The following ROBO2 variants were observed in gnomAD, a reference collection of about 807,000 sequenced individuals.
The protein encoded by ROBO2 is roundabout homolog 2.
A neutral mutation model predicts 160.8 loss-of-function variants in ROBO2; 53 were observed. That is an observed-to-expected ratio of 0.33 (90% CI 0.26 to 0.41). The LOEUF is 0.41. ROBO2 is among the 10% of genes least tolerant of loss of function. The pLI is 1.00. For synonymous variants in ROBO2, 664 were observed against 611.7 expected, an observed-to-expected ratio of 1.09 and a Z score of -1.26; for missense variants, 1,577 against 1,722.4, an observed-to-expected ratio of 0.92 and a Z score of 1.49.
chr3:77,509,074 A>G (rs921402059), intron 5 of ROBO2, among the ~76,000 whole-genome samples: 1 of 152,116 alleles, frequency 6.6e-6, no homozygotes, highest in Admixed American at 6.6e-5. Flanking sequence ...TCTGGTTTAC[A>G]TATTATCTTC....
intron 2 of ROBO2, among the ~76,000 whole-genome samples, chr3:76,640,453 T>C (rs4266200): frequency 0.34 from 51,642 of 151,868 alleles, 9,353 homozygotes; most frequent in South Asian, 0.45. Context: ...ATCACTTGAA[T>C]CTGGGAGGTG....
chr3:77,549,919 T>C (rs2092850845), intron 7 of ROBO2, among the ~76,000 whole-genome samples: 1 of 151,896 alleles, frequency 6.6e-6, no homozygotes, highest in Admixed American at 6.6e-5. Context: ...TGTAAGTAAA[T>C]ACAACATAAA....
chr3:76,344,748 C>A (rs2074426330), intron 2 of ROBO2, among the ~76,000 whole-genome samples: 1 of 152,020 alleles, frequency 6.6e-6, no homozygotes, highest in African/African-American at 2.4e-5. Context: ...GGTTAAAATG[C>A]CCATTATACA....
At chr3:76,817,326 T>C (rs559981979) in intron 2 of ROBO2, among the ~76,000 whole-genome samples, 37 of 152,214 alleles carry the variant, frequency 2.4e-4, no homozygotes, top group African/African-American at 8.9e-4. Flanking sequence ...AAGTATTATA[T>C]GTGGTTTTGT....
intron 2 of ROBO2, among the ~76,000 whole-genome samples, chr3:77,005,495 G>T (rs896525773): frequency 6.6e-6 from 1 of 152,268 alleles, no homozygotes; most frequent in African/African-American, 2.4e-5. Context: ...TTTCATTTAT[G>T]CTTCAAAATG....
At chr3:76,569,780 A>C (rs1441139224) in intron 2 of ROBO2, among the ~76,000 whole-genome samples, 1 of 152,048 alleles carries the variant, frequency 6.6e-6, no homozygotes, top group Non-Finnish European at 1.5e-5. Context: ...GAACACTTTC[A>C]CTTGGTTGTA....
chr3:76,237,790 T>C (rs950285768), intron 2 of ROBO2, among the ~76,000 whole-genome samples: 8 of 152,038 alleles, frequency 5.3e-5, no homozygotes, highest in Non-Finnish European at 1.2e-4. Flanking sequence ...TGAAAAAACT[T>C]TGGTAGAGTA....
intron 2 of ROBO2, among the ~76,000 whole-genome samples, chr3:76,215,963 C>G (rs139003267): frequency 0.029 from 4,355 of 152,274 alleles, 153 homozygotes; most frequent in African/African-American, 0.081. Context: ...GCTGATCTCT[C>G]AGCAGAAACT....
intron 2 of ROBO2, among the ~76,000 whole-genome samples, chr3:76,660,492 G>A (rs997412784): frequency 6.6e-6 from 1 of 152,116 alleles, no homozygotes; most frequent in African/African-American, 2.4e-5. Flanking sequence ...TATAACTGAG[G>A]AATGTGCTAT....
chr3:77,541,320 G>A (rs1010376738), intron 6 of ROBO2, among the ~76,000 whole-genome samples: 5 of 152,086 alleles, frequency 3.3e-5, no homozygotes, highest in Admixed American at 6.5e-5. Flanking sequence ...ACTCATGCAC[G>A]GCCTGTGCTT....
intron 2 of ROBO2, among the ~76,000 whole-genome samples, chr3:76,390,795 C>T (rs1440969849): frequency 1.3e-5 from 2 of 152,090 alleles, no homozygotes; most frequent in Non-Finnish European, 2.9e-5. Flanking sequence ...TCAACCTATT[C>T]CATGTGCAAC....
chr3:76,964,492 G>A (rs1030580694), intron 2 of ROBO2, among the ~76,000 whole-genome samples: 8 of 152,018 alleles, frequency 5.3e-5, no homozygotes, highest in South Asian at 2.1e-4. Context: ...ACAGGCACAC[G>A]CCACCATGCC....
chr3:76,559,362 T>A (rs1454058217), intron 2 of ROBO2, among the ~76,000 whole-genome samples: 1 of 152,188 alleles, frequency 6.6e-6, no homozygotes, highest in Non-Finnish European at 1.5e-5. Flanking sequence ...CATTCAGACA[T>A]AATTTAGATC....
chr3:76,514,888 A>G (rs1451147580), intron 2 of ROBO2, among the ~76,000 whole-genome samples: 6 of 152,216 alleles, frequency 3.9e-5, no homozygotes, highest in Admixed American at 1.3e-4. Flanking sequence ...ATGTTGTTCA[A>G]TAGCAACTGC....
At chr3:77,148,934 G>C (rs1282075665) in intron 2 of ROBO2, among the ~76,000 whole-genome samples, 1 of 151,898 alleles carries the variant, frequency 6.6e-6, no homozygotes, top group African/African-American at 2.4e-5. Flanking sequence ...TGATGTTGGA[G>C]TTATAATTAC....
At chr3:77,554,683 G>A (rs1666115) in intron 8 of ROBO2, among the ~76,000 whole-genome samples, 84,866 of 151,696 alleles carry the variant, frequency 0.56, 23,815 homozygotes, top group Middle Eastern at 0.68. Flanking sequence ...AGAATTAGAA[G>A]TGGATCCCGA....
At chr3:76,034,120 C>T (rs918489074) in intron 2 of ROBO2, among the ~76,000 whole-genome samples, 1 of 152,174 alleles carries the variant, frequency 6.6e-6, no homozygotes, top group Non-Finnish European at 1.5e-5. Context: ...GGGCAGTTTT[C>T]ATCACTCTAG....
chr3:76,294,208 C>A (rs565812358), intron 2 of ROBO2, among the ~76,000 whole-genome samples: 34 of 152,264 alleles, frequency 2.2e-4, no homozygotes, highest in Non-Finnish European at 3.8e-4. Context: ...AAGGGGGTTT[C>A]CTGGGCCTCC....
At chr3:77,335,171 G>A (rs893292972) in intron 2 of ROBO2, among the ~76,000 whole-genome samples, 12 of 152,164 alleles carry the variant, frequency 7.9e-5, no homozygotes, top group Admixed American at 2.0e-4. Context: ...CTGTAATCCC[G>A]GCACTTAGGG....
Sources: allele counts gnomAD v4.1 joint callset (sites outside exome capture counted in the v4.1 genomes callset), GRCh38; gene constraint gnomAD v4.1.1; transcripts MANE v1.5; gene names NCBI Gene and HGNC (gene_info 2026-07-23, HGNC 2026-07-21).